Variants in EPHB1 observed in about 807,000 individuals in gnomAD.
EPHB1 encodes EPH receptor B1, also known as ephrin type-B receptor 1.
Under a neutral mutation model 94.4 loss-of-function variants are expected in EPHB1, and 30 were observed. The ratio of observed to expected loss-of-function variants is 0.32; its 90% CI spans 0.24 to 0.43. The LOEUF (loss-of-function observed/expected upper bound fraction) is 0.43, where lower values mean the gene tolerates loss of function less well. EPHB1 is among the 20% of genes least tolerant of loss of function. The pLI is 1.00. For missense variants in EPHB1, 1,055 were observed against 1,308.3 expected, an observed-to-expected ratio of 0.81 and a Z score of 2.99; for synonymous variants, 522 against 489.1, an observed-to-expected ratio of 1.07 and a Z score of -0.89.
chr3:135,181,979 G>T (rs190606655), intron 10 of EPHB1, among the ~76,000 whole-genome samples: 15 of 152,280 alleles, frequency 9.9e-5, no homozygotes, highest in Non-Finnish European at 1.5e-4. Context: ...CAGTTACTCT[G>T]CCCAGTTACC....
Position 134,799,379 on chromosome 3 carries a change from TA to T in EPHB1, c.58+3695del, listed in dbSNP as rs202235974. Among the ~76,000 whole-genome samples the T allele has an allele frequency of 8.6e-3, 1,307 of 152,354 alleles. 16 individuals carry two copies. Among genetic ancestry groups the T allele is most frequent in the African/African-American group, 0.029 (1,202 of 41,592 alleles). On this transcript the variant is annotated intron_variant, in intron 1 of 15. Transcript: ENST00000398015. ...AGCAGTAGCAGGCACCAAAGATTTTTAAAAATGTCTGAGAAAGAAAAGCAAA... is the reference window on the plus strand; with the variant it reads ...AGCAGTAGCAGGCACCAAAGATTTTTAAAATGTCTGAGAAAGAAAAGCAAA...
intron 10 of EPHB1, among the ~76,000 whole-genome samples, chr3:135,187,239 G>T (rs1401450776): frequency 6.6e-6 from 1 of 152,216 alleles, no homozygotes; most frequent in Non-Finnish European, 1.5e-5. Flanking sequence ...TTTACTGTCA[G>T]TAAAGAATCT....
intron 3 of EPHB1, among the ~76,000 whole-genome samples, chr3:135,104,749 C>T (rs1245524251): frequency 1.3e-5 from 2 of 152,224 alleles, no homozygotes; most frequent in African/African-American, 2.4e-5. Context: ...CCATGGGACA[C>T]ATTTGGGTTG....
At chr3:134,923,642 G>A (rs552466794) in intron 1 of EPHB1, among the ~76,000 whole-genome samples, 30 of 152,316 alleles carry the variant, frequency 2.0e-4, no homozygotes, top group Admixed American at 3.3e-4. Flanking sequence ...GATTGAGTGA[G>A]CAATGAGAGC....
At chr3:134,939,183 C>T (rs984701256) in intron 2 of EPHB1, among the ~76,000 whole-genome samples, 14 of 152,168 alleles carry the variant, frequency 9.2e-5, no homozygotes, top group African/African-American at 3.4e-4. Flanking sequence ...ATGTCCCTCA[C>T]CCCCATCCCC....
At chr3:135,161,359 C>G (rs1941501142) in intron 6 of EPHB1, among the ~76,000 whole-genome samples, 1 of 152,080 alleles carries the variant, frequency 6.6e-6, no homozygotes, top group South Asian at 2.1e-4. Context: ...AGGCACATGC[C>G]CGCTCTGAAT....
chr3:134,845,212 G>A (rs1347174326), intron 1 of EPHB1, among the ~76,000 whole-genome samples: 4 of 152,228 alleles, frequency 2.6e-5, no homozygotes, highest in African/African-American at 7.2e-5. Flanking sequence ...GAGTAGTTGT[G>A]TGACTGAAAT....
rs187359373 is a variant in EPHB1, at chr3:135,181,976, T to C, written c.1882+1994T>C. ...GACATAAAGACCTCTGCCCAGTTAC[T>C]CTGCCCAGTTACCATTCTGTAGCAG... On this transcript the variant is annotated intron_variant, in intron 10 of 15. Transcript: ENST00000398015. Among the ~76,000 whole-genome samples, 3 of 152,316 alleles carry C rather than the reference T, an allele frequency of 2.0e-5. No homozygotes were observed. The East Asian group carries it at 5.8e-4, about 29-fold the overall frequency.
chr3:134,876,909 A>G (rs572900334), intron 1 of EPHB1, among the ~76,000 whole-genome samples: 125 of 152,276 alleles, frequency 8.2e-4, no homozygotes, highest in African/African-American at 2.8e-3. Context: ...CATGCTTCCC[A>G]CATGCCTTGG....
At chr3:134,860,292 A>C (rs1379756680) in intron 1 of EPHB1, among the ~76,000 whole-genome samples, 1 of 152,038 alleles carries the variant, frequency 6.6e-6, no homozygotes, top group East Asian at 1.9e-4. Context: ...TCTTGTGTTA[A>C]AGATGCGTGG....
At chr3:135,225,743 T>A (rs1232580872) in intron 12 of EPHB1, among the ~76,000 whole-genome samples, 2 of 151,498 alleles carry the variant, frequency 1.3e-5, no homozygotes, top group Non-Finnish European at 2.9e-5. Context: ...AAGGGTCCAG[T>A]CCCAGGTTGG....
chr3:135,018,053 G>T (rs1171601753), intron 3 of EPHB1, among the ~76,000 whole-genome samples: 2 of 152,156 alleles, frequency 1.3e-5, no homozygotes, highest in Non-Finnish European at 2.9e-5. Flanking sequence ...AGGAGAAGCA[G>T]TCAGGTAGGA....
chr3:135,253,496 C>T (rs1576504420), intron 15 of EPHB1, among the ~76,000 whole-genome samples: 1 of 151,912 alleles, frequency 6.6e-6, no homozygotes, highest in South Asian at 2.1e-4. Context: ...TTGTTTTTCT[C>T]AGGTTTGTGA....
intron 11 of EPHB1, among the ~76,000 whole-genome samples, chr3:135,198,550 G>A (rs918610491): frequency 2.0e-5 from 3 of 152,150 alleles, no homozygotes; most frequent in Admixed American, 1.3e-4. Context: ...AGCATGTGCT[G>A]AGTAGTGGGC....
chr3:134,993,363 G>A (rs147511918), intron 3 of EPHB1, among the ~76,000 whole-genome samples: 3 of 152,274 alleles, frequency 2.0e-5, no homozygotes, highest in Middle Eastern at 3.4e-3. Flanking sequence ...GGTATCTCTG[G>A]GTTATAAATG....
At chr3:135,173,235 C>T (rs6785934) in intron 9 of EPHB1, among the ~76,000 whole-genome samples, 1,520 of 151,674 alleles carry the variant, frequency 0.01, 23 homozygotes, top group African/African-American at 0.034. Flanking sequence ...GGGGTTTCAC[C>T]GTTTTAGCCG....
intron 1 of EPHB1, among the ~76,000 whole-genome samples, chr3:134,811,242 G>GGTTTTTTTTT (rs2036168294): frequency 4.1e-5 from 3 of 73,850 alleles, no homozygotes; most frequent in African/African-American, 8.4e-5. Flanking sequence ...TACTAAGAAG[G>GGTTTTTTTTT]TTTTTTTTTT....
chr3:135,116,413 G>C (rs894710088), intron 4 of EPHB1, among the ~76,000 whole-genome samples: 1 of 152,142 alleles, frequency 6.6e-6, no homozygotes, highest in Non-Finnish European at 1.5e-5. Context: ...GTGGTCCCCA[G>C]ATGGCCTTTT....
In EPHB1 at chr3:134,849,275, C is replaced by CT. The variant is rs2036933190; in HGVS notation, c.58+53587dup. Reference sequence around the variant, plus strand: ...TGAATGGGGCCTGAAGAACAGCATTCTGAACAAGTTCCCAGGTGATGTTGA... The same window carrying CT: ...TGAATGGGGCCTGAAGAACAGCATTCTTGAACAAGTTCCCAGGTGATGTTGA... On this transcript the variant is annotated intron_variant, in intron 1 of 15. Transcript: ENST00000398015. Among the ~76,000 whole-genome samples the CT allele has an allele frequency of 6.6e-5, 10 of 152,324 alleles. No individual in the cohort carries two copies. In the South Asian group the frequency reaches 2.1e-3, roughly 32 times the overall value.
Sources: gnomAD v4.1 joint callset for allele counts (sites outside exome capture counted in the v4.1 genomes callset) on GRCh38, gnomAD v4.1.1 for gene constraint, MANE v1.5 for transcripts, NCBI Gene and HGNC (gene_info 2026-07-23, HGNC 2026-07-21) for gene names.